The following DMD variants were observed in gnomAD, a reference collection of about 807,000 sequenced individuals.
DMD encodes dystrophin.
Under a neutral mutation model 330.1 loss-of-function variants are expected in DMD, and 63 were observed. The observed-to-expected ratio is 0.19, with a 90% CI of 0.16 to 0.24. The LOEUF is 0.24. DMD is among the 10% of genes least tolerant of loss of function. The probability of loss-of-function intolerance (pLI) is 1.00; values close to 1 mark genes in which losing one functional copy is unlikely to be tolerated. For synonymous variants in DMD, 1,223 were observed against 959.8 expected (o/e 1.27, Z -5.07); for missense variants, 3,344 against 2,684.1 (o/e 1.25, Z -5.43).
At chrX:32,690,962 A>G (rs1369041372) in intron 9 of DMD, among the ~76,000 whole-genome samples, 1 of 104,180 alleles carries the variant, frequency 9.6e-6, no homozygotes, top group Non-Finnish European at 1.9e-5. Flanking sequence ...CAATAAAAGC[A>G]AAAAAAATAG....
At chrX:32,530,043 C>A (rs908272602) in intron 17 of DMD, among the ~76,000 whole-genome samples, 71 of 111,906 alleles carry the variant, frequency 6.3e-4, no homozygotes, top group African/African-American at 2.2e-3. Flanking sequence ...TTAAAAGATA[C>A]TAAAAAATCA....
In DMD at chrX:32,119,118, T is replaced by C. The variant is rs371360437; in HGVS notation, c.6438+97798A>G. On this transcript the variant is annotated intron_variant, in intron 44 of 78. Coordinates refer to ENST00000357033, the MANE Select transcript of DMD (RefSeq NM_004006.3). ...AGGAAAGCGGGCAGATCACTTGAGG[T>C]CAGGCGTTTGAGATCAGTCTGGGCA... 5.4e-5 allele frequency among the ~76,000 whole-genome samples: 6 copies of C among 110,274 alleles called. No individual in the cohort carries two copies. In the East Asian group the frequency reaches 1.5e-3, roughly 27 times the overall value.
intron 1 of DMD, among the ~76,000 whole-genome samples, chrX:33,266,716 T>C (rs148538689): frequency 0.031 from 3,509 of 111,543 alleles, 151 homozygotes; most frequent in African/African-American, 0.11. Flanking sequence ...AAAAAGTAGA[T>C]AAGAATAAAC....
intron 50 of DMD, among the ~76,000 whole-genome samples, chrX:31,777,985 G>C (rs1238001937): frequency 1.8e-5 from 2 of 111,862 alleles, no homozygotes; most frequent in African/African-American, 6.5e-5. Flanking sequence ...CATGTCTATT[G>C]TGCATTCTCT....
At chrX:31,411,261 C>T (rs1349366398) in intron 60 of DMD, among the ~76,000 whole-genome samples, 1 of 111,336 alleles carries the variant, frequency 9.0e-6, no homozygotes, top group Non-Finnish European at 1.9e-5. Flanking sequence ...AGGTCCCAGG[C>T]ACAGCAGAAG....
intron 55 of DMD, among the ~76,000 whole-genome samples, chrX:31,554,878 C>T (rs1163468035): frequency 9.0e-6 from 1 of 111,663 alleles, no homozygotes. Flanking sequence ...TGAAGTAGCA[C>T]ATTGAAGGTG....
intron 2 of DMD, among the ~76,000 whole-genome samples, chrX:32,875,027 TTC>T (rs2083274425): frequency 8.9e-6 from 1 of 112,218 alleles, no homozygotes; most frequent in East Asian, 2.8e-4. Flanking sequence ...CACGGCTGAA[TTC>T]CTGATTCACA....
intron 33 of DMD, among the ~76,000 whole-genome samples, chrX:32,383,492 A>G (rs1392768331): frequency 9.0e-6 from 1 of 111,197 alleles, no homozygotes; most frequent in Admixed American, 9.6e-5. Context: ...AATCCAGACA[A>G]TATTTTTATT....
chrX:31,626,913 T>C (rs2078881242), intron 55 of DMD, among the ~76,000 whole-genome samples: 1 of 111,801 alleles, frequency 8.9e-6, no homozygotes, highest in Admixed American at 9.5e-5. Flanking sequence ...ACTAGTAAAG[T>C]TATTATATCA....
At chrX:33,247,832 G>A (rs754754702) in intron 1 of DMD, among the ~76,000 whole-genome samples, 2 of 110,932 alleles carry the variant, frequency 1.8e-5, no homozygotes, top group South Asian at 7.5e-4. Flanking sequence ...CATGATAGTT[G>A]AATTTAATTC....
intron 1 of DMD, among the ~76,000 whole-genome samples, chrX:33,279,974 G>A (rs200641042): frequency 1.0e-3 from 14 of 13,986 alleles, no homozygotes; most frequent in East Asian, 9.4e-3. Context: ...CTAGATATAT[G>A]GTTTGCCAAT....
At chrX:32,321,717 T>A (rs1038575973) in intron 41 of DMD, among the ~76,000 whole-genome samples, 22 of 111,960 alleles carry the variant, frequency 2.0e-4, no homozygotes, top group African/African-American at 7.1e-4. Flanking sequence ...AATCAATCAC[T>A]ATGCATCAAA....
At chrX:31,922,768 C>A (rs1380564597) in intron 47 of DMD, among the ~76,000 whole-genome samples, 1 of 111,647 alleles carries the variant, frequency 9.0e-6, no homozygotes, top group African/African-American at 3.3e-5. Flanking sequence ...AAGAATTTTC[C>A]ATACACAGCG....
chrX:32,801,463 G>A (rs1278498496), intron 7 of DMD, among the ~76,000 whole-genome samples: 3 of 111,763 alleles, frequency 2.7e-5, no homozygotes, highest in South Asian at 3.8e-4. Context: ...CCTATAGGCT[G>A]CCTGTTCACT....
intron 4 of DMD, among the ~76,000 whole-genome samples, chrX:32,833,715 T>C (rs1190878991): frequency 1.0e-5 from 1 of 97,578 alleles, no homozygotes; most frequent in Non-Finnish European, 2.0e-5. Flanking sequence ...AAAAAAGCAA[T>C]AGCTACAATA....
intron 2 of DMD, among the ~76,000 whole-genome samples, chrX:33,012,981 CCT>C (rs1317575722): frequency 9.0e-6 from 1 of 110,748 alleles, no homozygotes; most frequent in Non-Finnish European, 1.9e-5. Context: ...TAGATTAAAT[CCT>C]CTGTGAGTAA....
chrX:32,092,921 A>G (rs2096485347), intron 44 of DMD, among the ~76,000 whole-genome samples: 1 of 109,118 alleles, frequency 9.2e-6, no homozygotes, highest in African/African-American at 3.3e-5. Flanking sequence ...AGCTGTTTTA[A>G]CACTAAGTGA....
At chrX:32,407,265 A>C (rs1825907266) in intron 30 of DMD, among the ~76,000 whole-genome samples, 1 of 111,777 alleles carries the variant, frequency 8.9e-6, no homozygotes, top group Non-Finnish European at 1.9e-5. Context: ...CAATGAACTC[A>C]AACAAATGTA....
At chrX:32,304,441 A>G (rs2097533679) in intron 42 of DMD, among the ~76,000 whole-genome samples, 1 of 110,994 alleles carries the variant, frequency 9.0e-6, no homozygotes, top group African/African-American at 3.3e-5. Flanking sequence ...GGTTGGGGAT[A>G]AAGAATGGAT....
Sources: allele counts gnomAD v4.1 joint callset (sites outside exome capture counted in the v4.1 genomes callset), GRCh38; gene constraint gnomAD v4.1.1; transcripts MANE v1.5; gene names NCBI Gene and HGNC (gene_info 2026-07-23, HGNC 2026-07-21).